WFDC13: variants seen among roughly 807,000 people sequenced by gnomAD.
WFDC13 encodes the protein WAP four-disulfide core domain protein 13.
Under a neutral mutation model 10.9 loss-of-function variants are expected in WFDC13, and 6 were observed. The ratio of observed to expected loss-of-function variants is 0.55; its 90% CI spans 0.30 to 1.09. The LOEUF (loss-of-function observed/expected upper bound fraction) is 1.09. WFDC13 is among the 50% of genes least tolerant of loss of function. WFDC13 has a pLI of 0.06. For synonymous variants in WFDC13, 38 were observed against 39.5 expected (o/e 0.96, Z 0.14); for missense variants, 104 against 109.6 (o/e 0.95, Z 0.23).
rs1345813715 is a variant in WFDC13, at chr20:45,702,191, G to A, written c.68G>A (p.Ser23Asn). 3.1e-6 allele frequency: 5 copies of A among 1,612,710 alleles called. No individual in the cohort carries two copies. Among genetic ancestry groups the A allele is most frequent in the East Asian group, 2.2e-5 (1 of 44,862 alleles). ...FCLALQLVPG[S>N]PKQRVLKYIL... ...CTAGCACTGCAGCTGGTGCCTGGGA[G>A]TCCCAAGCAGCGTGTTCTGAGTAGG... Residue 23 changes from serine (S) to asparagine (N), a missense_variant, in exon 1 of 4, where the codon AGT becomes AAT. By Grantham distance (46) the Ser-to-Asn change is conservative (BLOSUM62 1). Coordinates refer to ENST00000305479, the MANE Select transcript of WFDC13 (RefSeq NM_172005.2).
chr20:45,705,847 T>C lies in WFDC13; in HGVS notation c.240-16T>C. ...AACTTCACTAGTTAATATTTGAAAA[T>C]ATTTTTCTTCTACAGAATCAAACAC... On this transcript the variant is annotated splice_polypyrimidine_tract_variant and intron_variant, in intron 2 of 3. Transcript: ENST00000305479. 1 of 1,611,982 alleles carries C rather than the reference T, an allele frequency of 6.2e-7. No individual in the cohort carries two copies. Among genetic ancestry groups the C allele is most frequent in the Non-Finnish European group, 8.5e-7 (1 of 1,179,204 alleles).
intron 1 of WFDC13, among the ~76,000 whole-genome samples, chr20:45,704,208 A>G (rs571931799): frequency 1.6e-4 from 24 of 152,324 alleles, no homozygotes; most frequent in African/African-American, 4.8e-4. Context: ...TGAATGACCA[A>G]TGGGTGCAGG....
In WFDC13 at chr20:45,704,444, A is replaced by G. The variant is rs754205891; in HGVS notation, c.89A>G (p.Lys30Arg). Residue 30 changes from lysine to arginine, a missense_variant and splice_region_variant, in exon 2 of 4, where the codon AAG becomes AGG. Physicochemically the swap from Lys to Arg is conservative, Grantham distance 26. Transcript: ENST00000305479. ...TTCTCTTACTTGTTCTGTGTTCCAG[A>G]GTATATCTTGGAACCTCCACCCTGC... ...VPGSPKQRVL[K>R]YILEPPPCIS... 3.8e-5 allele frequency: 62 copies of G among 1,612,826 alleles called. No homozygotes were observed. The highest frequency in any genetic ancestry group is 5.2e-5 in the Non-Finnish European group (61 of 1,179,444).
intron 3 of WFDC13, 88 bp downstream of exon 3, chr20:45,706,015 A>G (rs1984376814): frequency 8.8e-7 from 1 of 1,141,416 alleles, no homozygotes; most frequent in Admixed American, 1.9e-5. Context: ...GGGGCACTAC[A>G]TTCCCACAAG....
At chr20:45,705,151 C>T (rs1984341386) in intron 2 of WFDC13, 3 of 651,770 alleles carry the variant, frequency 4.6e-6, no homozygotes, top group Non-Finnish European at 8.2e-6. Context: ...GTTTCTAATC[C>T]CATCTTGCAA....
At chr20:45,705,360 G>C (rs538458680) in intron 2 of WFDC13, among the ~76,000 whole-genome samples, 1 of 152,300 alleles carries the variant, frequency 6.6e-6, no homozygotes, top group South Asian at 2.1e-4. Context: ...TCCCTACCAT[G>C]AGCAGAATAC....
At chr20:45,703,403 C>T (rs191015856) in intron 1 of WFDC13, among the ~76,000 whole-genome samples, 3 of 152,332 alleles carry the variant, frequency 2.0e-5, no homozygotes, top group Admixed American at 2.0e-4. Context: ...CAGTTATAGT[C>T]ATGACCTCTT....
At chr20:45,705,576 C>T (rs1254687124) in intron 2 of WFDC13, among the ~76,000 whole-genome samples, 3 of 152,328 alleles carry the variant, frequency 2.0e-5, no homozygotes, top group Admixed American at 2.0e-4. Flanking sequence ...TAAAACATTA[C>T]TTGCCAACAT....
At chr20:45,702,734 G>T (rs547826166) in intron 1 of WFDC13, among the ~76,000 whole-genome samples, 1 of 152,148 alleles carries the variant, frequency 6.6e-6, no homozygotes, top group African/African-American at 2.4e-5. Context: ...TACAATTACC[G>T]GTAATTAGCA....
In WFDC13 at chr20:45,708,778, TTC is replaced by T. The variant is rs1158131284; in HGVS notation, c.*945_*946del. 13 of 152,210 alleles carry T rather than the reference TTC, an allele frequency of 8.5e-5. No individual in the cohort carries two copies. The highest frequency in any genetic ancestry group is 3.1e-4 in the African/African-American group (13 of 41,454). 9.4% of individuals were successfully genotyped at this position (152,210 alleles called of 1,614,324 possible). A position where few individuals can be genotyped will look rare whatever the true frequency, so the allele number is the denominator to read the frequency against. Reference sequence around the variant, plus strand: ...TGTTAAGTTTGTAATTTGTTGCAATTTCTTTTTCATTTCAAATAAATATTCAC... The same window carrying T: ...TGTTAAGTTTGTAATTTGTTGCAATTTTTTTCATTTCAAATAAATATTCAC... On this transcript the variant is annotated 3_prime_UTR_variant, in exon 4 of 4. Coordinates refer to ENST00000305479, the MANE Select transcript of WFDC13 (RefSeq NM_172005.2).
At position 45,704,505 on chromosome 20, in the gene WFDC13, A is replaced by C; in HGVS notation, c.150A>C (p.Thr50=). 1.9e-6 allele frequency: 3 copies of C among 1,614,214 alleles called. No individual in the cohort carries two copies. The highest frequency in any genetic ancestry group is 2.5e-6 in the Non-Finnish European group (3 of 1,180,038). Residue 50 remains threonine (T), a synonymous_variant, in exon 2 of 4, where the codon ACA becomes ACC. Transcript: ENST00000305479. ...CTGAAAACTGTACTCACCTGTGTAC[A>C]ATGCAGGAAGATTGCGAGAAAGGAT... The part of the protein sequence containing the change: ...SAPENCTHLC[T]MQEDCEKGFQ...
At chr20:45,704,930 C>T in intron 2 of WFDC13, 1 of 1,614,128 alleles carries the variant, frequency 6.2e-7, no homozygotes, top group Non-Finnish European at 8.5e-7. Flanking sequence ...GCAGGTGTAA[C>T]CAAAATCCCA....
At chr20:45,702,922 G>A (rs1016706796) in intron 1 of WFDC13, among the ~76,000 whole-genome samples, 1 of 152,178 alleles carries the variant, frequency 6.6e-6, no homozygotes, top group African/African-American at 2.4e-5. Flanking sequence ...GCTCAGAAGA[G>A]GGATAAGTGT....
chr20:45,702,971 G>T (rs1283817639), intron 1 of WFDC13, among the ~76,000 whole-genome samples: 1 of 152,224 alleles, frequency 6.6e-6, no homozygotes, highest in Admixed American at 6.5e-5. Context: ...TCCTGCTTAA[G>T]AAGTTTCAGA....
intron 2 of WFDC13, chr20:45,705,073 C>CACGG (rs1568676263): frequency 7.4e-6 from 10 of 1,356,904 alleles, no homozygotes; most frequent in Middle Eastern, 1.8e-4. Context: ...TAACACTAGC[C>CACGG]GCAAGCCTGC....
At chr20:45,703,987 T>G (rs1415774219) in intron 1 of WFDC13, among the ~76,000 whole-genome samples, 1 of 152,190 alleles carries the variant, frequency 6.6e-6, no homozygotes, top group Non-Finnish European at 1.5e-5. Flanking sequence ...TTTCACTCAT[T>G]CTTCCTGTAC....
chr20:45,703,252 G>C (rs775644251), intron 1 of WFDC13, among the ~76,000 whole-genome samples: 1 of 152,178 alleles, frequency 6.6e-6, no homozygotes, highest in African/African-American at 2.4e-5. Flanking sequence ...GTGTGGATTA[G>C]TTCCAATTTC....
chr20:45,706,297 A>C (rs976602197), intron 3 of WFDC13, among the ~76,000 whole-genome samples: 5 of 152,128 alleles, frequency 3.3e-5, no homozygotes, highest in Admixed American at 2.6e-4. Flanking sequence ...TGGTCTGCTC[A>C]CTGTACCTCT....
chr20:45,705,367 A>G (rs1488082378), intron 2 of WFDC13, among the ~76,000 whole-genome samples: 1 of 152,206 alleles, frequency 6.6e-6, no homozygotes, highest in Admixed American at 6.5e-5. Context: ...CATGAGCAGA[A>G]TACCCAGCAT....
Sources: gnomAD v4.1 joint callset for allele counts (sites outside exome capture counted in the v4.1 genomes callset) on GRCh38, gnomAD v4.1.1 for gene constraint, MANE v1.5 for transcripts, NCBI Gene and HGNC (gene_info 2026-07-23, HGNC 2026-07-21) for gene names.